Variants in EXOC2 observed in about 807,000 individuals in gnomAD.
EXOC2 encodes exocyst complex component 2, also known as SEC5-like 1.
EXOC2 carries 70 observed loss-of-function variants against 131.8 expected under a neutral mutation model. The ratio of observed to expected loss-of-function variants is 0.53; its 90% CI spans 0.44 to 0.65. The LOEUF is 0.65. Among genes scored for constraint, EXOC2 ranks in the 30% least tolerant of loss-of-function variants. The pLI is 0.00. For missense variants in EXOC2, 923 were observed against 1,108.6 expected (o/e 0.83, Z 2.38); for synonymous variants, 411 against 398.4 (o/e 1.03, Z -0.38).
chr6:499,648 T>G lies in EXOC2; in HGVS notation c.2433A>C (p.Ala811=), dbSNP rs1470852641. Residue 811 remains alanine (A), a synonymous_variant, in exon 24 of 28, where the codon GCA becomes GCC. Transcript: ENST00000230449. ...EALVNIIAVH[A]EVFTISKELV... is the part of the protein sequence containing the mutation. ...GGAACATCTAATGATACTTTACCTC[T>G]GCATGCACGGCAATTATATTCACCA... 1.9e-6 allele frequency: 3 copies of G among 1,613,288 alleles called. No individual in the cohort carries two copies. The African/African-American group carries it at 4.0e-5, about 22-fold the overall frequency.
chr6:572,921 C>T (rs559080104), intron 12 of EXOC2, among the ~76,000 whole-genome samples: 17 of 152,352 alleles, frequency 1.1e-4, no homozygotes, highest in African/African-American at 4.1e-4. Context: ...TGGCCACAGC[C>T]TCAGTACTGG....
In EXOC2 at chr6:586,504, A is replaced by T. The variant is rs761197412; in HGVS notation, c.1192+5965T>A. ...GTCTGTGTAAAATTTCCTTAATAGA[A>T]TTCACCTATGTATAGCAAAATAGCA... On this transcript the variant is annotated intron_variant, in intron 11 of 27. Coordinates refer to ENST00000230449, the MANE Select transcript of EXOC2 (RefSeq NM_018303.6). Among the ~76,000 whole-genome samples the T allele has an allele frequency of 8.7e-4, 133 of 152,336 alleles. 1 individual carries two copies. The highest frequency in any genetic ancestry group is 3.4e-3 in the Middle Eastern group (1 of 294).
At position 555,239 on chromosome 6, in the gene EXOC2, A is replaced by G. The variant is rs772170892; in HGVS notation, c.2042T>C (p.Ile681Thr). The G allele has an allele frequency of 4.6e-6, 7 of 1,519,332 alleles. No homozygotes were observed. The highest frequency in any genetic ancestry group is 2.8e-5 in the South Asian group (2 of 71,988). 94.1% of individuals were successfully genotyped at this position (1,519,332 alleles called of 1,614,324 possible). Residue 681 changes from isoleucine (I) to threonine (T), a missense_variant, in exon 20 of 28, where the codon ATA becomes ACA. Ile to Thr is a moderately conservative substitution (Grantham distance 89, BLOSUM62 -1). Transcript: ENST00000230449. ...AATTTTTACTTACTGTGTAGTATCT[A>G]TATCTGCATCAGGCTTGGTGCTCAA... ...EQLSTKPDAD[I>T]DTTHLSVDVS...
chr6:628,234 G>A (rs951894494), intron 4 of EXOC2, among the ~76,000 whole-genome samples: 2 of 152,198 alleles, frequency 1.3e-5, no homozygotes, highest in Non-Finnish European at 2.9e-5. Context: ...CACAGCCCAA[G>A]TTCAAATTGA....
chr6:624,200 C>T (rs904248214), intron 4 of EXOC2, among the ~76,000 whole-genome samples: 1 of 152,144 alleles, frequency 6.6e-6, no homozygotes, highest in Non-Finnish European at 1.5e-5. Flanking sequence ...CCATGAAGCT[C>T]CATGGGTAAC....
chr6:647,840 G>A (rs1365657608), intron 1 of EXOC2, among the ~76,000 whole-genome samples: 1 of 151,474 alleles, frequency 6.6e-6, no homozygotes, highest in African/African-American at 2.4e-5. Context: ...CCAACTAAAA[G>A]TAATGTCTGG....
chr6:529,404 CAAA>C (rs1561819927), intron 23 of EXOC2, among the ~76,000 whole-genome samples: 3 of 151,524 alleles, frequency 2.0e-5, no homozygotes, highest in Non-Finnish European at 4.4e-5. Context: ...AGAGGGCTGG[CAAA>C]GAAAAGTCTT....
At chr6:559,531 C>T (rs1407874014) in intron 17 of EXOC2, among the ~76,000 whole-genome samples, 1 of 152,152 alleles carries the variant, frequency 6.6e-6, no homozygotes, top group Non-Finnish European at 1.5e-5. Context: ...TCCTAGGGCT[C>T]ATTCATTCGC....
chr6:582,066 A>G (rs1758935912), intron 11 of EXOC2, among the ~76,000 whole-genome samples: 1 of 152,194 alleles, frequency 6.6e-6, no homozygotes, highest in African/African-American at 2.4e-5. Context: ...TGTAGAAATA[A>G]TCAAAAATTT....
chr6:498,393 G>A (rs939277253), intron 24 of EXOC2, among the ~76,000 whole-genome samples: 1 of 152,138 alleles, frequency 6.6e-6, no homozygotes, highest in Admixed American at 6.5e-5. Context: ...TGCAACAACT[G>A]CACCTAAATT....
intron 23 of EXOC2, chr6:525,380 A>G (rs1375201103): frequency 2.0e-5 from 3 of 152,206 alleles, no homozygotes; most frequent in Non-Finnish European, 4.4e-5. Flanking sequence ...ACATTGTTCA[A>G]TGAGTGTTCT....
At chr6:511,583 T>C (rs946991324) in intron 23 of EXOC2, among the ~76,000 whole-genome samples, 1 of 152,150 alleles carries the variant, frequency 6.6e-6, no homozygotes. Flanking sequence ...GACATTGAAG[T>C]GTGAGGCCAA....
intron 13 of EXOC2, among the ~76,000 whole-genome samples, chr6:570,220 GCCT>G (rs992166282): frequency 1.2e-4 from 5 of 40,222 alleles, no homozygotes; most frequent in African/African-American, 5.9e-4. Context: ...TGCAGGCTCC[GCCT>G]CCCGGGTTCA....
intron 11 of EXOC2, among the ~76,000 whole-genome samples, chr6:586,293 T>C (rs903293420): frequency 6.6e-6 from 1 of 152,072 alleles, no homozygotes; most frequent in Non-Finnish European, 1.5e-5. Context: ...TTACATCCAA[T>C]GTATGTGCCA....
At chr6:530,006 T>C (rs1451933047) in intron 23 of EXOC2, among the ~76,000 whole-genome samples, 2 of 152,260 alleles carry the variant, frequency 1.3e-5, no homozygotes, top group Non-Finnish European at 2.9e-5. Context: ...TTAGATACAC[T>C]TGACAGTCGC....
chr6:613,626 G>A (rs1310893380), intron 6 of EXOC2, among the ~76,000 whole-genome samples: 5 of 152,118 alleles, frequency 3.3e-5, no homozygotes, highest in South Asian at 2.1e-4. Context: ...CACACAGCTC[G>A]TTTCCTTTGA....
chr6:648,236 A>T (rs1013756618), intron 1 of EXOC2, among the ~76,000 whole-genome samples: 1 of 152,238 alleles, frequency 6.6e-6, no homozygotes, highest in Non-Finnish European at 1.5e-5. Flanking sequence ...AGTTAAAAAC[A>T]TACTACAAGA....
chr6:504,219 G>A (rs28613208), intron 23 of EXOC2, among the ~76,000 whole-genome samples: 2,052 of 152,308 alleles, frequency 0.013, 59 homozygotes, highest in African/African-American at 0.046. Context: ...GGACGGTGAC[G>A]TACGGTGATG....
chr6:538,941 A>G (rs1438590592), intron 22 of EXOC2, among the ~76,000 whole-genome samples: 1 of 152,066 alleles, frequency 6.6e-6, no homozygotes, highest in African/African-American at 2.4e-5. Context: ...CTGTGGTGAC[A>G]GGTGCCTGTA....
Sources: gnomAD v4.1 joint callset for allele counts (sites outside exome capture counted in the v4.1 genomes callset) on GRCh38, gnomAD v4.1.1 for gene constraint, MANE v1.5 for transcripts, NCBI Gene and HGNC (gene_info 2026-07-23, HGNC 2026-07-21) for gene names.